CHSY3: variants seen among roughly 807,000 people sequenced by gnomAD.
CHSY3 encodes the protein chondroitin sulfate synthase 3.
A neutral mutation model predicts 67.2 loss-of-function variants in CHSY3; 35 were observed. The ratio of observed to expected loss-of-function variants is 0.52; its 90% confidence interval spans 0.40 to 0.69. The LOEUF (loss-of-function observed/expected upper bound fraction) is 0.69, where lower values mean the gene tolerates loss of function less well. Ranked by LOEUF, CHSY3 falls within the 30% of genes least tolerant of loss-of-function variation. The pLI, the probability that CHSY3 is intolerant of heterozygous loss-of-function variation, is 0.00. For missense variants in CHSY3, 1,069 were observed against 1,138.5 expected, an observed-to-expected ratio of 0.94 and a Z score of 0.88; for synonymous variants, 474 against 434.7, an observed-to-expected ratio of 1.09 and a Z score of -1.12.
At chr5:130,064,226 A>G (rs1765807130) in intron 2 of CHSY3, among the ~76,000 whole-genome samples, 1 of 152,080 alleles carries the variant, frequency 6.6e-6, no homozygotes, top group South Asian at 2.1e-4. Flanking sequence ...ATATATTATT[A>G]GTGATTATTT....
chr5:129,995,656 C>T (rs1480534166), intron 2 of CHSY3, among the ~76,000 whole-genome samples: 2 of 151,854 alleles, frequency 1.3e-5, no homozygotes, highest in Non-Finnish European at 2.9e-5. Context: ...CTCCCTCTCC[C>T]ATGTTGGAGC....
At chr5:129,955,473 C>G (rs1046477831) in intron 2 of CHSY3, among the ~76,000 whole-genome samples, 1 of 150,040 alleles carries the variant, frequency 6.7e-6, no homozygotes, top group Non-Finnish European at 1.5e-5. Context: ...TTCTTCTTCC[C>G]TTCCTTCCTC....
chr5:130,178,229 A>T (rs867412173), intron 2 of CHSY3, among the ~76,000 whole-genome samples: 797 of 54,352 alleles, frequency 0.015, 15 homozygotes, highest in South Asian at 0.074. Context: ...ATTTATATTT[A>T]TATATATATA....
chr5:129,989,536 A>G (rs1414494739), intron 2 of CHSY3, among the ~76,000 whole-genome samples: 1 of 152,112 alleles, frequency 6.6e-6, no homozygotes, highest in East Asian at 1.9e-4. Flanking sequence ...CCTCCCATTA[A>G]GCCTCACTTT....
At chr5:130,016,664 C>T (rs892034185) in intron 2 of CHSY3, among the ~76,000 whole-genome samples, 4 of 152,224 alleles carry the variant, frequency 2.6e-5, no homozygotes, top group Admixed American at 6.5e-5. Flanking sequence ...CCGCCTTGGC[C>T]TCCCGAAGTG....
At chr5:130,178,236 T>C (rs1467968808) in intron 2 of CHSY3, among the ~76,000 whole-genome samples, 2 of 62,794 alleles carry the variant, frequency 3.2e-5, no homozygotes, top group Non-Finnish European at 6.1e-5. Context: ...TTTATATATA[T>C]ATATATATAT....
chr5:129,910,696 T>A (rs964629367), intron 2 of CHSY3, among the ~76,000 whole-genome samples: 1 of 152,022 alleles, frequency 6.6e-6, no homozygotes, highest in Non-Finnish European at 1.5e-5. Context: ...ACAGCTAAAC[T>A]GGTTATAACA....
At chr5:130,166,875 A>C (rs890654324) in intron 2 of CHSY3, among the ~76,000 whole-genome samples, 2 of 152,060 alleles carry the variant, frequency 1.3e-5, no homozygotes, top group East Asian at 3.9e-4. Context: ...TTCTTTTTTT[A>C]AGCTAATGGA....
intron 2 of CHSY3, among the ~76,000 whole-genome samples, chr5:130,156,050 T>C (rs1361385181): frequency 6.6e-6 from 1 of 152,230 alleles, no homozygotes; most frequent in East Asian, 1.9e-4. Context: ...TTATTAGTAA[T>C]ACTGAATTTT....
intron 2 of CHSY3, among the ~76,000 whole-genome samples, chr5:130,061,385 C>T (rs959232417): frequency 1.3e-4 from 19 of 151,598 alleles, no homozygotes; most frequent in Non-Finnish European, 2.7e-4. Flanking sequence ...TTTATCTCTT[C>T]GCATATACAA....
intron 2 of CHSY3, among the ~76,000 whole-genome samples, chr5:130,096,854 G>A (rs762391031): frequency 1.3e-5 from 2 of 152,108 alleles, no homozygotes; most frequent in Non-Finnish European, 2.9e-5. Flanking sequence ...GAAGGAGTAG[G>A]AGCCCGAATT....
chr5:129,947,628 AAAAAAC>A (rs2149598864), intron 2 of CHSY3, among the ~76,000 whole-genome samples: 1 of 152,144 alleles, frequency 6.6e-6, no homozygotes, highest in Non-Finnish European at 1.5e-5. Context: ...TCTCAAAAAA[AAAAAAC>A]AAAACGAAAC....
intron 2 of CHSY3, among the ~76,000 whole-genome samples, chr5:130,118,423 C>T (rs1767889830): frequency 1.3e-5 from 2 of 151,946 alleles, no homozygotes; most frequent in African/African-American, 4.8e-5. Flanking sequence ...ACAATTACTA[C>T]ATCTCTCTAT....
intron 2 of CHSY3, among the ~76,000 whole-genome samples, chr5:130,025,030 T>C (rs1013547181): frequency 6.6e-6 from 1 of 152,160 alleles, no homozygotes; most frequent in Non-Finnish European, 1.5e-5. Flanking sequence ...GCAGGTTATA[T>C]AGTGGAAAAT....
At chr5:129,955,622 A>T (rs760053351) in intron 2 of CHSY3, among the ~76,000 whole-genome samples, 3 of 151,910 alleles carry the variant, frequency 2.0e-5, no homozygotes, top group Non-Finnish European at 4.4e-5. Context: ...TCATGTCATG[A>T]GGGTTTGTTG....
chr5:129,984,281 C>T (rs1270323727), intron 2 of CHSY3, among the ~76,000 whole-genome samples: 2 of 152,052 alleles, frequency 1.3e-5, no homozygotes, highest in Non-Finnish European at 2.9e-5. Context: ...ACATGTGGTA[C>T]TTGGTTTTCT....
At chr5:130,001,563 C>T (rs1763728084) in intron 2 of CHSY3, 4 of 879,900 alleles carry the variant, frequency 4.5e-6, no homozygotes, top group Non-Finnish European at 5.5e-6. Flanking sequence ...CCCTCCTGTC[C>T]TTGCCTTTAT....
intron 2 of CHSY3, among the ~76,000 whole-genome samples, chr5:130,071,287 T>G (rs1297475090): frequency 3.9e-5 from 6 of 152,054 alleles, no homozygotes; most frequent in African/African-American, 1.2e-4. Context: ...ATTAATTAGT[T>G]CTTGGTTGCC....
chr5:130,075,133 C>T (rs186975354), intron 2 of CHSY3, among the ~76,000 whole-genome samples: 52 of 152,206 alleles, frequency 3.4e-4, no homozygotes, highest in African/African-American at 1.2e-3. Flanking sequence ...AGGGCCATTG[C>T]GGTCCACCTA....
Sources: gnomAD v4.1 joint callset for allele counts (sites outside exome capture counted in the v4.1 genomes callset) on GRCh38, gnomAD v4.1.1 for gene constraint, MANE v1.5 for transcripts, NCBI Gene and HGNC (gene_info 2026-07-23, HGNC 2026-07-21) for gene names.